Variants in ANAPC7 observed in about 807,000 individuals in gnomAD.
The protein encoded by ANAPC7 is anaphase promoting complex subunit 7.
A neutral mutation model predicts 63.3 loss-of-function variants in ANAPC7; 25 were observed. That is an observed-to-expected ratio of 0.39 (90% CI 0.29 to 0.55). ANAPC7 has a LOEUF of 0.55. Ranked by LOEUF, ANAPC7 falls within the 20% of genes least tolerant of loss-of-function variation. The pLI is 0.57. For synonymous variants in ANAPC7, 241 were observed against 251.7 expected, an observed-to-expected ratio of 0.96 and a Z score of 0.40; for missense variants, 516 against 691.7, an observed-to-expected ratio of 0.75 and a Z score of 2.85.
chr12:110,400,022 C>T (rs777556847), intron 1 of ANAPC7, among the ~76,000 whole-genome samples: 24 of 149,480 alleles, frequency 1.6e-4, no homozygotes, highest in Admixed American at 6.0e-4. Context: ...ACCCAGCAGG[C>T]GGAGGTTGCA....
chr12:110,383,891 A>G (rs1384173724), intron 6 of ANAPC7, among the ~76,000 whole-genome samples: 6 of 131,404 alleles, frequency 4.6e-5, no homozygotes, highest in Admixed American at 1.5e-4. Flanking sequence ...AAAAAAAAAA[A>G]AAAAAAAGAA....
chr12:110,386,199 G>T, intron 6 of ANAPC7, 128 bp downstream of exon 6: 1 of 1,356,280 alleles, frequency 7.4e-7, no homozygotes, highest in Non-Finnish European at 1.0e-6. Context: ...AAAAGTAAAA[G>T]ACTAGTATAA....
At chr12:110,378,358 T>C (rs1881490226) in intron 8 of ANAPC7, among the ~76,000 whole-genome samples, 1 of 152,194 alleles carries the variant, frequency 6.6e-6, no homozygotes, top group African/African-American at 2.4e-5. Context: ...CCTCCCAAAG[T>C]ATTAGGATTA....
At chr12:110,374,897 T>C (rs2137911790) in intron 10 of ANAPC7, among the ~76,000 whole-genome samples, 1 of 152,114 alleles carries the variant, frequency 6.6e-6, no homozygotes, top group East Asian at 1.9e-4. Flanking sequence ...ATTTAGCAGC[T>C]GAGTGTCAGT....
At chr12:110,402,296 G>A (rs1209148481) in intron 1 of ANAPC7, among the ~76,000 whole-genome samples, 1 of 152,162 alleles carries the variant, frequency 6.6e-6, no homozygotes, top group East Asian at 1.9e-4. Flanking sequence ...TGCCTTCAGA[G>A]GCCATGGGAA....
chr12:110,386,481 T>G lies in ANAPC7; in HGVS notation c.675-12A>C. The G allele has an allele frequency of 6.2e-7, 1 of 1,601,858 alleles. No individual in the cohort carries two copies. Among genetic ancestry groups the G allele is most frequent in the Non-Finnish European group, 8.5e-7 (1 of 1,172,174 alleles). ...TTTTCTCTAGTGAACTTTAAGATATTTATTAAACATTGAACCTTTAAATCT... is the reference window on the plus strand; with the variant it reads ...TTTTCTCTAGTGAACTTTAAGATATGTATTAAACATTGAACCTTTAAATCT... On this transcript the variant is annotated splice_polypyrimidine_tract_variant and intron_variant, in intron 5 of 10. Transcript: ENST00000455511.
chr12:110,376,389 GA>G (rs1352598100), intron 9 of ANAPC7, among the ~76,000 whole-genome samples, 173 bp from the exon 10 acceptor site: 2 of 151,798 alleles, frequency 1.3e-5, no homozygotes, highest in Non-Finnish European at 2.9e-5. Context: ...CTAACACAGT[GA>G]AACCCCGTCT....
chr12:110,386,175 T>C (rs1882432348), intron 6 of ANAPC7, 152 bp downstream of exon 6: 1 of 1,097,964 alleles, frequency 9.1e-7, no homozygotes, highest in Non-Finnish European at 1.3e-6. Flanking sequence ...TAGAGACATG[T>C]GTCATGACCT....
intron 10 of ANAPC7, among the ~76,000 whole-genome samples, chr12:110,375,312 G>A (rs1453795680): frequency 6.6e-6 from 1 of 152,154 alleles, no homozygotes; most frequent in African/African-American, 2.4e-5. Flanking sequence ...GAGACTGACA[G>A]CTCCCGAAAC....
intron 6 of ANAPC7, chr12:110,383,282 C>T (rs1882114645): frequency 5.2e-6 from 1 of 193,708 alleles, no homozygotes; most frequent in Non-Finnish European, 1.1e-5. Flanking sequence ...ACTGAAAATA[C>T]AAAAAATTAG....
intron 3 of ANAPC7, among the ~76,000 whole-genome samples, chr12:110,389,014 G>A (rs568819695): frequency 9.3e-4 from 140 of 150,808 alleles, no homozygotes; most frequent in African/African-American, 3.2e-3. Flanking sequence ...ACCGGGAGGC[G>A]GAGCTTGCAG....
At position 110,375,174 on chromosome 12, in the gene ANAPC7, A is replaced by G. The variant is rs57198298; in HGVS notation, c.1509-841T>C. Among the ~76,000 whole-genome samples, 860 of 152,290 alleles carry G rather than the reference A, an allele frequency of 5.6e-3. 9 individuals are homozygous for G. Among genetic ancestry groups the G allele is most frequent in the African/African-American group, 0.019 (806 of 41,556 alleles). ...TAACATCTCCTCGTCTCCTGGTTGA[A>G]GCCTTCCACATCCTGTACTCTGAAG... On this transcript the variant is annotated intron_variant, in intron 10 of 10. Transcript: ENST00000455511.
At chr12:110,376,532 ACACTC>A (rs1566257934) in intron 9 of ANAPC7, among the ~76,000 whole-genome samples, 1 of 136,316 alleles carries the variant, frequency 7.3e-6, no homozygotes, top group Non-Finnish European at 1.5e-5. Context: ...TTGTGCCACT[ACACTC>A]CAGTCTGGGC....
At chr12:110,381,704 C>G (rs1881858169) in intron 8 of ANAPC7, 48 bp downstream of exon 8, 3 of 1,576,300 alleles carry the variant, frequency 1.9e-6, no homozygotes, top group Non-Finnish European at 2.6e-6. Flanking sequence ...CTGAGGGCTG[C>G]TGCCACACCC....
At chr12:110,401,950 CAAAAAAAA>C (rs747810973) in intron 1 of ANAPC7, among the ~76,000 whole-genome samples, 3 of 46,110 alleles carry the variant, frequency 6.5e-5, no homozygotes, top group Non-Finnish European at 8.4e-5. Context: ...GACTCCGTCT[CAAAAAAAA>C]AAAAAAAAAA....
Position 110,386,418 on chromosome 12 carries a change from G to A in ANAPC7, c.726C>T (p.Ser242=), listed in dbSNP as rs748507511. 1 of 1,614,030 alleles carries A rather than the reference G, an allele frequency of 6.2e-7. No individual in the cohort carries two copies. Among genetic ancestry groups the A allele is most frequent in the Non-Finnish European group, 8.5e-7 (1 of 1,179,980 alleles). The change falls in exon 6 of 11, where the codon AGC becomes AGT. Residue 242 remains serine (S), a synonymous_variant. Coordinates refer to ENST00000455511, the MANE Select transcript of ANAPC7 (RefSeq NM_016238.3). ...CAGCTCTGAAGTACAGATCTGCCAAGCTTCCCAATAGGTCCACGTTATCTC... is the reference window on the plus strand; with the variant it reads ...CAGCTCTGAAGTACAGATCTGCCAAACTTCCCAATAGGTCCACGTTATCTC... ...LLRDNVDLLG[S]LADLYFRAGD...
rs372651086 is a variant in ANAPC7 at position 110,376,118 on chromosome 12, C to A, written c.1456G>T (p.Val486Leu). Reference protein sequence around the residue: ...VLHRILGDFLVAVNEYQEAMD... With the variant: ...VLHRILGDFLLAVNEYQEAMD... ...GCCTCCTGATACTCATTGACAGCTA[C>A]AAGGAAATCTCCTAGGATCCGATGC... The change falls in exon 10 of 11, where the codon GTA becomes TTA. Residue 486 changes from valine (V) to leucine (L), a missense_variant. Val to Leu is a conservative substitution (Grantham distance 32). This residue lies in a region of ANAPC7 where 122 missense variants were observed against 212.0 expected (regional missense o/e 0.58). Transcript: ENST00000455511. The A allele has an allele frequency of 6.2e-7, 1 of 1,614,008 alleles. No homozygotes were observed. The highest frequency in any genetic ancestry group is 8.5e-7 in the Non-Finnish European group (1 of 1,180,032).
At chr12:110,386,185 T>C in intron 6 of ANAPC7, 142 bp downstream of exon 6, 1 of 1,259,656 alleles carries the variant, frequency 7.9e-7, no homozygotes, top group South Asian at 1.3e-5. Context: ...TGTCATGACC[T>C]AAAAAAAGTA....
intron 6 of ANAPC7, among the ~76,000 whole-genome samples, chr12:110,383,885 A>AG (rs1882187376): frequency 7.1e-6 from 1 of 141,246 alleles, no homozygotes; most frequent in African/African-American, 2.8e-5. Context: ...CAAAAAAAAA[A>AG]AAAAAAAAAA....
Sources: gnomAD v4.1 joint callset for allele counts (sites outside exome capture counted in the v4.1 genomes callset) on GRCh38, gnomAD v4.1.1 for gene constraint, gnomAD v4.1.1 regional missense constraint, MANE v1.5 for transcripts, NCBI Gene and HGNC (gene_info 2026-07-23, HGNC 2026-07-21) for gene names.